The following ART1 variants were observed in gnomAD, a reference collection of about 807,000 sequenced individuals.
ART1 encodes the protein ADP-ribosyltransferase 1.
Under a neutral mutation model 27.0 loss-of-function variants are expected in ART1, and 29 were observed. That is an observed-to-expected ratio of 1.08 (90% CI 0.80 to 1.47). The LOEUF is 1.47. Among genes scored for constraint, ART1 ranks in the 40% most tolerant of loss-of-function variants. The pLI, the probability that ART1 is intolerant of heterozygous loss-of-function variation, is 0.00. For missense variants in ART1, 480 were observed against 423.0 expected (o/e 1.13, Z -1.18); for synonymous variants, 201 against 172.2 (o/e 1.17, Z -1.31).
intron 4 of ART1, among the ~76,000 whole-genome samples, chr11:3,663,368 T>C (rs1421551413): frequency 1.3e-5 from 2 of 152,158 alleles, no homozygotes; most frequent in Non-Finnish European, 2.9e-5. Context: ...AGTTTAGGAT[T>C]TCTCCTTCTA....
intron 1 of ART1, among the ~76,000 whole-genome samples, chr11:3,656,355 C>CTTAT (rs759921970): frequency 0.12 from 16,470 of 140,040 alleles, 1,024 homozygotes; most frequent in South Asian, 0.2. Flanking sequence ...TGTAGCCTGG[C>CTTAT]TTATTTATTT....
Position 3,660,134 on chromosome 11 carries a change from G to T in ART1, c.615G>T (p.Leu205=), listed in dbSNP as rs1370569699. ...TGGGGGGCTTTGCTTCTGCCTCCCT[G>T]AAGCATGTTGCAGCCCAGCAGTTTG... ...VRLGGFASAS[L]KHVAAQQFGE... is the part of the protein sequence containing the mutation. Residue 205 remains leucine (L), a synonymous_variant, in exon 3 of 5, where the codon CTG becomes CTT. Coordinates refer to ENST00000250693, the MANE Select transcript of ART1 (RefSeq NM_004314.3). The T allele has an allele frequency of 1.2e-6, 2 of 1,613,944 alleles. No individual in the cohort carries two copies. The highest frequency in any genetic ancestry group is 1.7e-6 in the Non-Finnish European group (2 of 1,180,006).
chr11:3,650,361 GC>G (rs1189187818), intron 1 of ART1, among the ~76,000 whole-genome samples: 1 of 152,196 alleles, frequency 6.6e-6, no homozygotes, highest in Admixed American at 6.5e-5. Flanking sequence ...CTGGCCCAAG[GC>G]TCCCTGACTG....
At chr11:3,658,505 A>G (rs1589923511) in intron 1 of ART1, among the ~76,000 whole-genome samples, 1 of 152,044 alleles carries the variant, frequency 6.6e-6, no homozygotes, top group South Asian at 2.1e-4. Context: ...GGAAACTGGT[A>G]TCCTCTGTCT....
chr11:3,663,092 ATCTCATCT>A, intron 4 of ART1, among the ~76,000 whole-genome samples: 1 of 84,174 alleles, frequency 1.2e-5, no homozygotes, highest in African/African-American at 6.4e-5. Flanking sequence ...TCATCTCATC[ATCTCATCT>A]CATCTCATCT....
intron 1 of ART1, among the ~76,000 whole-genome samples, chr11:3,658,548 C>A (rs768288412): frequency 5.9e-5 from 9 of 152,098 alleles, no homozygotes; most frequent in Non-Finnish European, 1.3e-4. Context: ...CTTCCCCCAG[C>A]ACCCGGGGTT....
intron 4 of ART1, among the ~76,000 whole-genome samples, chr11:3,661,712 G>A (rs932195515): frequency 6.6e-6 from 1 of 151,988 alleles, no homozygotes; most frequent in Non-Finnish European, 1.5e-5. Flanking sequence ...TGGCCAGGCT[G>A]GTCTTGAACT....
At chr11:3,657,882 G>T (rs1366099705) in intron 1 of ART1, among the ~76,000 whole-genome samples, 1 of 152,050 alleles carries the variant, frequency 6.6e-6, no homozygotes, top group Non-Finnish European at 1.5e-5. Context: ...AGTATGAAAT[G>T]GTTAATTATG....
intron 1 of ART1, among the ~76,000 whole-genome samples, chr11:3,651,320 C>T (rs566829855): frequency 3.3e-5 from 5 of 151,208 alleles, no homozygotes; most frequent in Admixed American, 2.0e-4. Flanking sequence ...CACAGACAGC[C>T]CCCATTACTT....
intron 1 of ART1, among the ~76,000 whole-genome samples, chr11:3,656,077 C>T (rs568008613): frequency 4.5e-4 from 68 of 151,926 alleles, no homozygotes; most frequent in Non-Finnish European, 7.8e-4. Context: ...GGATTACAAG[C>T]GCACAACACC....
At chr11:3,659,488 TC>T in intron 2 of ART1, 94 bp from the exon 3 acceptor site, 1 of 1,451,146 alleles carries the variant, frequency 6.9e-7, no homozygotes, top group Non-Finnish European at 9.2e-7. Flanking sequence ...TTGGGGCCCT[TC>T]CTGCCTTTCT....
chr11:3,655,115 G>A (rs1160172627), intron 1 of ART1, among the ~76,000 whole-genome samples: 1 of 152,208 alleles, frequency 6.6e-6, no homozygotes, highest in Admixed American at 6.5e-5. Context: ...CAGGCCGCCG[G>A]TCTGGCTCAG....
chr11:3,654,851 C>A (rs149964457), intron 1 of ART1, among the ~76,000 whole-genome samples: 1 of 152,364 alleles, frequency 6.6e-6, no homozygotes, highest in East Asian at 1.9e-4. Context: ...ATTCCATGTC[C>A]TCAGTCTGCC....
At chr11:3,655,995 C>G (rs898731419) in intron 1 of ART1, among the ~76,000 whole-genome samples, 1 of 138,438 alleles carries the variant, frequency 7.2e-6, no homozygotes, top group Non-Finnish European at 1.5e-5. Flanking sequence ...AGCAATGGTG[C>G]GATCTCGGGT....
chr11:3,663,907 C>A, intron 4 of ART1, 185 bp from the exon 5 acceptor site: 1 of 582,956 alleles, frequency 1.7e-6, no homozygotes, highest in South Asian at 2.1e-5. Context: ...ACCATTGGAC[C>A]AGCTCCTCCC....
intron 1 of ART1, among the ~76,000 whole-genome samples, chr11:3,653,667 A>T (rs1044329383): frequency 6.6e-6 from 1 of 151,982 alleles, no homozygotes; most frequent in African/African-American, 2.4e-5. Context: ...TTTTAAATCT[A>T]CTCCGCTTCT....
rs760901054 is a variant in ART1 at position 3,663,030 on chromosome 11, CTCA to C, written c.887-1056_887-1054del. 6.3e-3 allele frequency among the ~76,000 whole-genome samples: 719 copies of C among 113,660 alleles called. 20 individuals are homozygous for C. Among genetic ancestry groups the C allele is most frequent in the African/African-American group, 0.023 (641 of 28,002 alleles). The allele number at this position is 113,660 out of a possible 152,430, so 74.6% of individuals were successfully genotyped here. ...ATCTCATCTCATCATCTCATCTCAT[CTCA>C]TCATCTCATCTCATCTCATCTCATC... On this transcript the variant is annotated intron_variant, in intron 4 of 4. Coordinates refer to ENST00000250693, the MANE Select transcript of ART1 (RefSeq NM_004314.3).
rs2077607192 is a variant in ART1, at chr11:3,660,044, C to G, written c.525C>G (p.His175Gln). 6.2e-7 allele frequency: 1 copy of G among 1,613,632 alleles called. No homozygotes were observed. Among genetic ancestry groups the G allele is most frequent in the Admixed American group, 1.7e-5 (1 of 59,994 alleles). ...LGSGQRPPRC[H>Q]QVFRGVHGLR... ...GCGGCCAGCGTCCACCCCGGTGCCA[C>G]CAGGTGTTCCGAGGTGTGCACGGCC... The change falls in exon 3 of 5, where the codon CAC becomes CAG. Residue 175 changes from histidine (H) to glutamine (Q), a missense_variant. Transcript: ENST00000250693.
chr11:3,658,993 C>A (rs997315213), intron 1 of ART1, among the ~76,000 whole-genome samples, 169 bp from the exon 2 acceptor site: 1 of 152,032 alleles, frequency 6.6e-6, no homozygotes, highest in African/African-American at 2.4e-5. Flanking sequence ...GACCTGTTCA[C>A]GTCACTCCTC....
Sources: allele counts gnomAD v4.1 joint callset (sites outside exome capture counted in the v4.1 genomes callset), GRCh38; gene constraint gnomAD v4.1.1; transcripts MANE v1.5; gene names NCBI Gene and HGNC (gene_info 2026-07-23, HGNC 2026-07-21).